Variants in SNX27 observed in about 807,000 individuals in gnomAD.
The protein encoded by SNX27 is sorting nexin-27.
In SNX27, 22 loss-of-function variants were observed where a neutral mutation model predicts 71.6. That is an observed-to-expected ratio of 0.31 (90% CI 0.22 to 0.44). The LOEUF is 0.44. Ranked by LOEUF, SNX27 falls within the 20% of genes least tolerant of loss-of-function variation. SNX27 has a pLI of 1.00. For synonymous variants in SNX27, 269 were observed against 277.2 expected (o/e 0.97, Z 0.29); for missense variants, 531 against 698.6 (o/e 0.76, Z 2.70).
intron 2 of SNX27, among the ~76,000 whole-genome samples, chr1:151,641,867 T>G (rs954463391): frequency 3.5e-5 from 5 of 140,934 alleles, no homozygotes; most frequent in Non-Finnish European, 6.0e-5. Context: ...CAGCTATAGA[T>G]ATATATGATA....
chr1:151,675,358 T>C (rs1202174745), intron 7 of SNX27, among the ~76,000 whole-genome samples: 1 of 152,160 alleles, frequency 6.6e-6, no homozygotes, highest in East Asian at 1.9e-4. Context: ...TTCCTACAAG[T>C]ATTTACATGT....
At position 151,669,896 on chromosome 1, in the gene SNX27, A is replaced by G. The variant is rs559341908; in HGVS notation, c.1149+1261A>G. On this transcript the variant is annotated intron_variant, in intron 7 of 11. Coordinates refer to ENST00000458013, the MANE Select transcript of SNX27 (RefSeq NM_001330723.2). Reference sequence around the variant, plus strand: ...TTATCTTTTGTGTTACAAACAATCCAGTTATACTCTTTTAGTAATTTAAAA... The same window carrying G: ...TTATCTTTTGTGTTACAAACAATCCGGTTATACTCTTTTAGTAATTTAAAA... Among the ~76,000 whole-genome samples the G allele has an allele frequency of 8.5e-5, 13 of 152,316 alleles. No homozygotes were observed. In the South Asian group the frequency reaches 2.7e-3, roughly 32 times the overall value.
chr1:151,682,493 T>C (rs919771253), intron 7 of SNX27, among the ~76,000 whole-genome samples: 1 of 152,126 alleles, frequency 6.6e-6, no homozygotes, highest in African/African-American at 2.4e-5. Flanking sequence ...AGCTAATTTT[T>C]TGTATTTTTA....
Position 151,638,987 on chromosome 1 carries a change from T to G in SNX27, c.411T>G (p.Pro137=). The change falls in exon 2 of 12, where the codon CCT becomes CCG. Residue 137 remains proline, a synonymous_variant. Transcript: ENST00000458013. ...TCTTGACAGTGTTATCTGTACCTCCTCATGAGGCAGATAACCTAGATCCCA... is the reference window on the plus strand; with the variant it reads ...TCTTGACAGTGTTATCTGTACCTCCGCATGAGGCAGATAACCTAGATCCCA... ...ELILTVLSVP[P]HEADNLDPSD... 1 of 1,614,128 alleles carries G rather than the reference T, an allele frequency of 6.2e-7. No homozygotes were observed. The highest frequency in any genetic ancestry group is 1.1e-5 in the South Asian group (1 of 91,084).
At chr1:151,615,954 T>G (rs1456368964) in intron 1 of SNX27, 2 of 362,146 alleles carry the variant, frequency 5.5e-6, no homozygotes, top group Non-Finnish European at 7.7e-6. Context: ...GCCCATATGG[T>G]TCAGTTTGCC....
At chr1:151,690,616 G>GT (rs957689600) in intron 8 of SNX27, among the ~76,000 whole-genome samples, 318 of 139,774 alleles carry the variant, frequency 2.3e-3, no homozygotes, top group East Asian at 5.2e-3. Context: ...TTTTTTTTTT[G>GT]TTTTTTTTTT....
intron 7 of SNX27, among the ~76,000 whole-genome samples, chr1:151,672,535 C>T (rs1670490697): frequency 1.3e-5 from 2 of 152,062 alleles, no homozygotes; most frequent in African/African-American, 2.4e-5. Flanking sequence ...TTCCCTCCTC[C>T]TCTCTTTTTT....
At chr1:151,619,133 G>A (rs1667560561) in intron 1 of SNX27, among the ~76,000 whole-genome samples, 1 of 152,114 alleles carries the variant, frequency 6.6e-6, no homozygotes. Flanking sequence ...TTGAGCTCAG[G>A]AATTCGAAAC....
At chr1:151,682,312 GT>G (rs902749613) in intron 7 of SNX27, among the ~76,000 whole-genome samples, 14 of 151,548 alleles carry the variant, frequency 9.2e-5, no homozygotes, top group African/African-American at 2.7e-4. Context: ...AGAAAGGAAG[GT>G]TTTTTTTTGT....
chr1:151,632,155 G>A (rs980523812), intron 1 of SNX27, among the ~76,000 whole-genome samples: 1 of 151,632 alleles, frequency 6.6e-6, no homozygotes, highest in Non-Finnish European at 1.5e-5. Context: ...AATTTGTTGC[G>A]GAGGTTGTTT....
intron 1 of SNX27, among the ~76,000 whole-genome samples, chr1:151,627,313 C>T (rs1342293824): frequency 6.6e-6 from 1 of 152,172 alleles, no homozygotes; most frequent in Non-Finnish European, 1.5e-5. Context: ...ACTTGTTTAG[C>T]AGTATCAGAA....
intron 1 of SNX27, among the ~76,000 whole-genome samples, chr1:151,621,957 A>G (rs1667696131): frequency 6.6e-6 from 1 of 152,208 alleles, no homozygotes; most frequent in Non-Finnish European, 1.5e-5. Context: ...GAAATGTGAC[A>G]CTGAAGTTTC....
chr1:151,612,124 G>A lies in SNX27; in HGVS notation c.-78G>A, dbSNP rs549525695. ...CGGGCGCGCGCGTCGGGGGTCGTCC[G>A]GCTGCCAGGCAGGGCGAGCACGCGC... On this transcript the variant is annotated 5_prime_UTR_variant, in exon 1 of 12. Transcript: ENST00000458013. The surrounding 1 kb of genome is among the most constrained non-coding windows in gnomAD (Gnocchi z 5.2). 2 of 1,266,478 alleles carry A rather than the reference G, an allele frequency of 1.6e-6. No individual in the cohort carries two copies. The highest frequency in any genetic ancestry group is 6.3e-5 in the East Asian group (2 of 31,680). 78.5% of individuals were successfully genotyped at this position (1,266,478 alleles called of 1,614,324 possible).
intron 1 of SNX27, among the ~76,000 whole-genome samples, chr1:151,632,807 A>C (rs1021424120): frequency 6.6e-6 from 1 of 151,784 alleles, no homozygotes; most frequent in East Asian, 1.9e-4. Flanking sequence ...CAGATGGTGG[A>C]CTCCTATTTC....
chr1:151,673,470 C>G (rs1183439921), intron 7 of SNX27, among the ~76,000 whole-genome samples: 1 of 152,096 alleles, frequency 6.6e-6, no homozygotes, highest in Non-Finnish European at 1.5e-5. Context: ...AGAATGATCT[C>G]TGTGCTGAGG....
chr1:151,641,629 A>ATATATC (rs1195933776), intron 2 of SNX27, among the ~76,000 whole-genome samples: 4 of 120,078 alleles, frequency 3.3e-5, no homozygotes, highest in Non-Finnish European at 5.2e-5. Flanking sequence ...ATATATATAT[A>ATATATC]TCATATGTAT....
intron 7 of SNX27, among the ~76,000 whole-genome samples, chr1:151,682,318 T>G (rs1200891064): frequency 3.9e-5 from 6 of 152,202 alleles, no homozygotes; most frequent in Non-Finnish European, 8.8e-5. Context: ...GAAGGTTTTT[T>G]TTTGTTTGTT....
intron 3 of SNX27, 77 bp from the exon 4 acceptor site, chr1:151,660,721 T>C (rs1171934749): frequency 4.3e-6 from 5 of 1,149,638 alleles, no homozygotes; most frequent in Non-Finnish European, 6.6e-6. Flanking sequence ...GATTTAAACT[T>C]AAAACTTTGA....
At chr1:151,644,046 G>A (rs1478821644) in intron 2 of SNX27, among the ~76,000 whole-genome samples, 2 of 151,816 alleles carry the variant, frequency 1.3e-5, no homozygotes, top group African/African-American at 2.4e-5. Flanking sequence ...GTGAGACTTC[G>A]TCTCAAAAAA....
Sources: gnomAD v4.1 joint callset for allele counts (sites outside exome capture counted in the v4.1 genomes callset) on GRCh38, gnomAD v4.1.1 for gene constraint, Gnocchi (gnomAD v3.1) non-coding constraint, MANE v1.5 for transcripts, NCBI Gene and HGNC (gene_info 2026-07-23, HGNC 2026-07-21) for gene names.